The following NOP58 variants were observed in gnomAD, a reference collection of about 807,000 sequenced individuals.
NOP58 encodes nucleolar protein 58.
NOP58 carries 44 observed loss-of-function variants against 71.2 expected under a neutral mutation model. That is an observed-to-expected ratio of 0.62 (90% CI 0.49 to 0.79). The LOEUF (loss-of-function observed/expected upper bound fraction) is 0.79. NOP58 is among the 30% of genes least tolerant of loss of function. The pLI is 0.00. For synonymous variants in NOP58, 228 were observed against 200.3 expected, an observed-to-expected ratio of 1.14 and a Z score of -1.17; for missense variants, 538 against 620.2, an observed-to-expected ratio of 0.87 and a Z score of 1.41.
chr2:202,296,282 A>G (rs1291549544), intron 10 of NOP58, among the ~76,000 whole-genome samples: 1 of 151,706 alleles, frequency 6.6e-6, no homozygotes, highest in Non-Finnish European at 1.5e-5. Context: ...TGCAACCTCC[A>G]GCTCCCTGGT....
chr2:202,301,189 C>T (rs569934740), intron 13 of NOP58, among the ~76,000 whole-genome samples: 1 of 151,826 alleles, frequency 6.6e-6, no homozygotes, highest in East Asian at 1.9e-4. Flanking sequence ...TTTCCCCCCT[C>T]TTTTTTTACC....
At chr2:202,284,056 C>T (rs1266537851) in intron 4 of NOP58, among the ~76,000 whole-genome samples, 4 of 151,558 alleles carry the variant, frequency 2.6e-5, no homozygotes, top group South Asian at 4.2e-4. Flanking sequence ...ATGAGGCGGG[C>T]GGATCACTTG....
intron 12 of NOP58, among the ~76,000 whole-genome samples, chr2:202,299,533 T>G (rs183592713): frequency 6.6e-6 from 1 of 152,250 alleles, no homozygotes; most frequent in Admixed American, 6.5e-5. Flanking sequence ...GTCTTTAACC[T>G]AAAAAAATTA....
intron 1 of NOP58, among the ~76,000 whole-genome samples, chr2:202,269,340 A>T (rs1296728776): frequency 4.4e-5 from 6 of 135,206 alleles, no homozygotes; most frequent in South Asian, 4.9e-4. Flanking sequence ...CCTGGCCTAA[A>T]TTTTTTTTTT....
rs1688540561 is a variant in NOP58, at chr2:202,273,345, A to G, written c.46-1768A>G. ...TGCTAATAAAGACCATCTAAATAAG[A>G]AAGTTAGAGATATTGCTACATTTTC... On this transcript the variant is annotated intron_variant, in intron 1 of 14. Coordinates refer to ENST00000264279, the MANE Select transcript of NOP58 (RefSeq NM_015934.5). Among the ~76,000 whole-genome samples, 6 of 152,192 alleles carry G rather than the reference A, an allele frequency of 3.9e-5. No individual in the cohort carries two copies. The South Asian group carries it at 1.2e-3, about 32-fold the overall frequency.
At position 202,292,851 on chromosome 2, in the gene NOP58, T is replaced by C. The variant is rs771160922; in HGVS notation, c.855T>C (p.Asn285=). The stretch of plus-strand genomic sequence containing the variant: ...ATCGAATGATGGCCATTGCACCCAA[T>C]GTTACAGTCATGGTTGGGGAATTAG... The part of the protein sequence containing the change: ...LQNRMMAIAP[N]VTVMVGELVG... Residue 285 remains asparagine (N), a synonymous_variant, in exon 9 of 15, where the codon AAT becomes AAC. Coordinates refer to ENST00000264279, the MANE Select transcript of NOP58 (RefSeq NM_015934.5). 18 of 1,613,920 alleles carry C rather than the reference T, an allele frequency of 1.1e-5. No homozygotes were observed. The highest frequency in any genetic ancestry group is 1.5e-5 in the Non-Finnish European group (18 of 1,179,754).
chr2:202,302,094 T>C (rs1193380521), intron 13 of NOP58, among the ~76,000 whole-genome samples: 3 of 137,056 alleles, frequency 2.2e-5, no homozygotes, highest in Non-Finnish European at 3.1e-5. Context: ...TTTTTTTTTT[T>C]TTTTTTTTTT....
At position 202,286,669 on chromosome 2, in the gene NOP58, G is replaced by A. The variant is rs151316429; in HGVS notation, c.435-991G>A. ...AAGCATTTCTAAGAGAGAACAAATA[G>A]TGAAACTGAGTCAAAAATCCAAACC... On this transcript the variant is annotated intron_variant, in intron 5 of 14. Coordinates refer to ENST00000264279, the MANE Select transcript of NOP58 (RefSeq NM_015934.5). Among the ~76,000 whole-genome samples the A allele has an allele frequency of 7.5e-4, 115 of 152,332 alleles. 1 individual carries two copies. The highest frequency in any genetic ancestry group is 2.5e-3 in the African/African-American group (103 of 41,578).
Position 202,301,525 on chromosome 2 carries a change from A to G in NOP58, c.1402+1158A>G, listed in dbSNP as rs116249980. ...TGTGACAATTCCAGTTGCTTTGGCC[A>G]TCAACCTTGACTTTTTTCTCATAAC... On this transcript the variant is annotated intron_variant, in intron 13 of 14. Coordinates refer to ENST00000264279, the MANE Select transcript of NOP58 (RefSeq NM_015934.5). 2.0e-3 allele frequency among the ~76,000 whole-genome samples: 297 copies of G among 152,244 alleles called. 1 individual carries two copies. The highest frequency in any genetic ancestry group is 3.3e-3 in the Admixed American group (51 of 15,282).
chr2:202,295,910 C>G, intron 10 of NOP58, 73 bp downstream of exon 10: 2 of 1,134,390 alleles, frequency 1.8e-6, no homozygotes, highest in Non-Finnish European at 2.4e-6. Context: ...TTCTTCTACT[C>G]TGTAGTACAC....
chr2:202,277,408 G>A (rs1487695541), intron 2 of NOP58, among the ~76,000 whole-genome samples: 2 of 151,872 alleles, frequency 1.3e-5, no homozygotes, highest in Non-Finnish European at 2.9e-5. Flanking sequence ...AATCCGGGAG[G>A]CAGAGGTTGC....
intron 4 of NOP58, among the ~76,000 whole-genome samples, chr2:202,283,901 C>T (rs2105845445): frequency 6.6e-6 from 1 of 152,272 alleles, no homozygotes; most frequent in South Asian, 2.1e-4. Flanking sequence ...GTGATACAGT[C>T]AAGTATTCTA....
At chr2:202,284,877 A>G (rs1376358229) in intron 5 of NOP58, among the ~76,000 whole-genome samples, 1 of 151,954 alleles carries the variant, frequency 6.6e-6, no homozygotes, top group East Asian at 1.9e-4. Flanking sequence ...ATAGGTGTGT[A>G]TTTGTGTTTT....
Position 202,294,890 on chromosome 2 carries a change from G to A in NOP58, c.908-784G>A, listed in dbSNP as rs554352352. ...CTGAGGCAGAGAATTGCTTAAACCC[G>A]GGAGGCGGAGGATGCAGTGAGCCAA... On this transcript the variant is annotated intron_variant, in intron 9 of 14. Coordinates refer to ENST00000264279, the MANE Select transcript of NOP58 (RefSeq NM_015934.5). Among the ~76,000 whole-genome samples the A allele has an allele frequency of 5.3e-5, 8 of 152,114 alleles. No homozygotes were observed. The East Asian group carries it at 1.2e-3, about 22-fold the overall frequency.
At position 202,300,224 on chromosome 2, in the gene NOP58, G is replaced by A. The variant is rs1473548224; in HGVS notation, c.1269-10G>A. The A allele has an allele frequency of 6.4e-7, 1 of 1,568,680 alleles. No homozygotes were observed. The highest frequency in any genetic ancestry group is 2.3e-5 in the East Asian group (1 of 43,212). ...GTTAGAGATTTTCTAAAACTTTTTG[G>A]GTCTTTCAGTGAAGTGAAGACTTAC... is the stretch of plus-strand genomic sequence containing the variant. On this transcript the variant is annotated splice_polypyrimidine_tract_variant and intron_variant, in intron 12 of 14. Coordinates refer to ENST00000264279, the MANE Select transcript of NOP58 (RefSeq NM_015934.5).
intron 3 of NOP58, among the ~76,000 whole-genome samples, chr2:202,282,096 A>G (rs936284455): frequency 4.6e-5 from 7 of 152,216 alleles, no homozygotes; most frequent in African/African-American, 1.7e-4. Context: ...TGAGTTCATG[A>G]GAAGATTCTT....
intron 5 of NOP58, among the ~76,000 whole-genome samples, chr2:202,287,006 C>A (rs1270624973): frequency 6.6e-6 from 1 of 151,334 alleles, no homozygotes; most frequent in Non-Finnish European, 1.5e-5. Flanking sequence ...CTGCAAAGTT[C>A]CTAACTGGTA....
intron 14 of NOP58, 63 bp from the exon 15 acceptor site, chr2:202,303,323 C>T: frequency 6.3e-7 from 1 of 1,590,036 alleles, no homozygotes; most frequent in Admixed American, 1.8e-5. Flanking sequence ...TTTATATTTT[C>T]AATGTGATTA....
intron 9 of NOP58, among the ~76,000 whole-genome samples, chr2:202,294,041 G>A (rs115141476): frequency 0.034 from 5,091 of 151,926 alleles, 287 homozygotes; most frequent in African/African-American, 0.12. Context: ...TTGGCCAGGC[G>A]TGGTGGCTCA....
Sources: allele counts gnomAD v4.1 joint callset (sites outside exome capture counted in the v4.1 genomes callset), GRCh38; gene constraint gnomAD v4.1.1; transcripts MANE v1.5; gene names NCBI Gene and HGNC (gene_info 2026-07-23, HGNC 2026-07-21).